The following ASAP3 variants were observed in gnomAD, a reference collection of about 807,000 sequenced individuals.
ASAP3 encodes arf-GAP with SH3 domain, ANK repeat and PH domain-containing protein 3.
A neutral mutation model predicts 118.2 loss-of-function variants in ASAP3; 85 were observed. The observed-to-expected ratio is 0.72, with a 90% CI of 0.60 to 0.86. The LOEUF (loss-of-function observed/expected upper bound fraction) is 0.86, where lower values mean the gene tolerates loss of function less well. Among genes scored for constraint, ASAP3 ranks in the 40% least tolerant of loss-of-function variants. The pLI, the probability that ASAP3 is intolerant of heterozygous loss-of-function variation, is 0.00. For missense variants in ASAP3, 1,026 were observed against 1,175.0 expected (o/e 0.87, Z 1.85); for synonymous variants, 432 against 477.4 (o/e 0.90, Z 1.24).
chr1:23,471,285 C>T (rs1034164505), intron 1 of ASAP3, among the ~76,000 whole-genome samples: 2 of 152,202 alleles, frequency 1.3e-5, no homozygotes, highest in African/African-American at 4.8e-5. Context: ...ACTCAACTTA[C>T]AGGTCACCCC....
At chr1:23,474,432 T>C (rs1642059760) in intron 1 of ASAP3, among the ~76,000 whole-genome samples, 1 of 152,090 alleles carries the variant, frequency 6.6e-6, no homozygotes, top group Non-Finnish European at 1.5e-5. Flanking sequence ...CTTATTTCCT[T>C]CCTTCCCCAC....
chr1:23,463,300 C>T (rs1458546451), intron 1 of ASAP3, among the ~76,000 whole-genome samples: 2 of 152,044 alleles, frequency 1.3e-5, no homozygotes, highest in Non-Finnish European at 2.9e-5. Flanking sequence ...AAATCATTTA[C>T]ACTGGTTGAT....
In ASAP3 at chr1:23,431,098, C is replaced by T. The variant is rs778949640; in HGVS notation, c.2574G>A (p.Arg858=). ...FSSESTRSYR[R]GARSPEDGPS... ...GACCATCTTCAGGGCTCCGCGCCCCCCGCCGATAGGAGCGAGTGCTCTCGG... is the reference window on the plus strand; with the variant it reads ...GACCATCTTCAGGGCTCCGCGCCCCTCGCCGATAGGAGCGAGTGCTCTCGG... The change falls in exon 24 of 25, where the codon CGG becomes CGA. Residue 858 remains arginine (R), a synonymous_variant. Transcript: ENST00000336689. 1.3e-6 allele frequency: 2 copies of T among 1,572,686 alleles called. No homozygotes were observed. Among genetic ancestry groups the T allele is most frequent in the South Asian group, 1.2e-5 (1 of 85,584 alleles).
In ASAP3 at chr1:23,438,994, C is replaced by G. The variant is rs886101473; in HGVS notation, c.1015-160G>C. 6 of 1,083,298 alleles carry G rather than the reference C, an allele frequency of 5.5e-6. No individual in the cohort carries two copies. Among genetic ancestry groups the G allele is most frequent in the Non-Finnish European group, 6.8e-6 (5 of 738,898 alleles). 67.1% of individuals were successfully genotyped at this position (1,083,298 alleles called of 1,614,324 possible). A position where few individuals can be genotyped will look rare whatever the true frequency, so the allele number is the denominator to read the frequency against. ...CAAGGATGTGAAGTGTAGACTAAGA[C>G]TAGATTGGGGCCTTCAGGTCCCATC... On this transcript the variant is annotated intron_variant, in intron 11 of 24. Transcript: ENST00000336689. This position sits in a 1 kb window ranked among gnomAD's most constrained non-coding sequence, Gnocchi z 4.9.
intron 22 of ASAP3, among the ~76,000 whole-genome samples, chr1:23,432,746 A>G (rs1640484811): frequency 6.6e-6 from 1 of 152,154 alleles, no homozygotes; most frequent in South Asian, 2.1e-4. Flanking sequence ...TATCTCCCCT[A>G]CTAGACTGTG....
At chr1:23,459,884 C>T (rs1014229437) in intron 1 of ASAP3, among the ~76,000 whole-genome samples, 3 of 152,222 alleles carry the variant, frequency 2.0e-5, no homozygotes, top group Admixed American at 6.5e-5. Flanking sequence ...ATTCTCTCTT[C>T]TTCCTTCACA....
intron 1 of ASAP3, among the ~76,000 whole-genome samples, chr1:23,482,329 C>T (rs1350065575): frequency 6.6e-6 from 1 of 152,210 alleles, no homozygotes; most frequent in East Asian, 1.9e-4. Flanking sequence ...CAAGAACAGC[C>T]TGACCAACAT....
At position 23,438,817 on chromosome 1, in the gene ASAP3, C is replaced by T; in HGVS notation, c.1032G>A (p.Val344=). 2 of 1,614,240 alleles carry T rather than the reference C, an allele frequency of 1.2e-6. No homozygotes were observed. The highest frequency in any genetic ancestry group is 1.7e-6 in the Non-Finnish European group (2 of 1,180,032). Reference sequence around the variant, plus strand: ...CTTGGCACGTCAGCAGGGTCAGCTTCACCGGGGGCCGGTTTATCTGTGGGA... The same window carrying T: ...CTTGGCACGTCAGCAGGGTCAGCTTTACCGGGGGCCGGTTTATCTGTGGGA... The part of the protein sequence containing the change: ...ISHSTINRPP[V]KLTLLTCQVR... The change falls in exon 12 of 25, where the codon GTG becomes GTA. Residue 344 remains valine (V), a synonymous_variant. Coordinates refer to ENST00000336689, the MANE Select transcript of ASAP3 (RefSeq NM_017707.4). This position sits in a 1 kb window ranked among gnomAD's most constrained non-coding sequence, Gnocchi z 4.9.
rs2148608642 is a variant in ASAP3, at chr1:23,436,573, C to G, written c.1558G>C (p.Ala520Pro). 1 of 1,614,202 alleles carries G rather than the reference C, an allele frequency of 6.2e-7. No individual in the cohort carries two copies. The highest frequency in any genetic ancestry group is 1.1e-5 in the South Asian group (1 of 91,088). Reference sequence around the variant, plus strand: ...GAATCCCCTTACATGTCACTCTCAGCTGAGGGTTTAGGGCCGCCGTGTGAG... The same window carrying G: ...GAATCCCCTTACATGTCACTCTCAGGTGAGGGTTTAGGGCCGCCGTGTGAG... ...LPSHGGPKPS[A>P]ESDMGTRRDY... The change falls in exon 16 of 25, where the codon GCT becomes CCT. Residue 520 changes from alanine (A) to proline (P), a missense_variant. Physicochemically the swap from Ala to Pro is conservative, Grantham distance 27 (BLOSUM62 -1). Transcript: ENST00000336689. The surrounding 1 kb of genome is among the most constrained non-coding windows in gnomAD (Gnocchi z 4.2).
At chr1:23,442,744 T>C (rs1570351617) in intron 5 of ASAP3, 132 bp from the exon 6 acceptor site, 3 of 1,360,244 alleles carry the variant, frequency 2.2e-6, no homozygotes, top group African/African-American at 2.9e-5. Context: ...TGGGGCTGGG[T>C]ACAATGAACA....
intron 1 of ASAP3, chr1:23,480,010 C>T (rs966737265): frequency 5.3e-5 from 8 of 151,968 alleles, no homozygotes; most frequent in African/African-American, 1.9e-4. Context: ...CCCAACCCTA[C>T]AAAAAATACA....
Position 23,431,136 on chromosome 1 carries a change from G to T in ASAP3, c.2547-11C>A. The T allele has an allele frequency of 6.4e-7, 1 of 1,573,966 alleles. No individual in the cohort carries two copies. The highest frequency in any genetic ancestry group is 2.3e-5 in the East Asian group (1 of 43,048). Reference sequence around the variant, plus strand: ...CGAGTGCTCTCGGAGCTGGAAGGCAGGGAAAGGCCAACATGACCCTCATGT... The same window carrying T: ...CGAGTGCTCTCGGAGCTGGAAGGCATGGAAAGGCCAACATGACCCTCATGT... On this transcript the variant is annotated splice_polypyrimidine_tract_variant and intron_variant, in intron 23 of 24. Coordinates refer to ENST00000336689, the MANE Select transcript of ASAP3 (RefSeq NM_017707.4).
Position 23,433,525 on chromosome 1 carries a change from T to C in ASAP3, c.2027A>G (p.Gln676Arg). The change falls in exon 21 of 25, where the codon CAG becomes CGG. Residue 676 changes from glutamine (Q) to arginine (R), a missense_variant. By Grantham distance (43) the Gln-to-Arg change is conservative (BLOSUM62 1). Coordinates refer to ENST00000336689, the MANE Select transcript of ASAP3 (RefSeq NM_017707.4). Reference sequence around the variant, plus strand: ...GAAGGCAAAGGTCCCCGCCTGGGCCTGCTCCAGCTGCCAAAAACAAAGGCT... The same window carrying C: ...GAAGGCAAAGGTCCCCGCCTGGGCCCGCTCCAGCTGCCAAAAACAAAGGCT... ...HHKECEELLE[Q>R]AQAGTFAFPL... 6.2e-7 allele frequency: 1 copy of C among 1,614,196 alleles called. No homozygotes were observed. Among genetic ancestry groups the C allele is most frequent in the East Asian group, 2.2e-5 (1 of 44,876 alleles).
intron 1 of ASAP3, among the ~76,000 whole-genome samples, chr1:23,474,594 A>AT (rs1327215383): frequency 6.7e-6 from 1 of 149,542 alleles, no homozygotes; most frequent in African/African-American, 2.5e-5. Context: ...ATTTATTTTT[A>AT]TTTTTTTGAG....
intron 5 of ASAP3, among the ~76,000 whole-genome samples, chr1:23,446,726 C>T (rs1417685069): frequency 6.6e-6 from 1 of 152,172 alleles, no homozygotes; most frequent in Non-Finnish European, 1.5e-5. Flanking sequence ...GCATGAGCCA[C>T]CATGCCCAGC....
At chr1:23,462,198 T>C (rs1194145028) in intron 1 of ASAP3, among the ~76,000 whole-genome samples, 2 of 151,814 alleles carry the variant, frequency 1.3e-5, no homozygotes, top group Non-Finnish European at 1.5e-5. Context: ...TAATTTTTTG[T>C]ATTTTTTAGT....
chr1:23,438,899 C>G lies in ASAP3; in HGVS notation c.1015-65G>C. The stretch of plus-strand genomic sequence containing the variant: ...TGGCCCTCCACATTCTTTAGGCCTC[C>G]ATTTCCCACTCTGTTAAATGGGCAT... On this transcript the variant is annotated intron_variant, in intron 11 of 24. Transcript: ENST00000336689. The surrounding 1 kb of genome is among the most constrained non-coding windows in gnomAD (Gnocchi z 4.9). 6.7e-7 allele frequency: 1 copy of G among 1,495,638 alleles called. No individual in the cohort carries two copies. Among genetic ancestry groups the G allele is most frequent in the Admixed American group, 1.7e-5 (1 of 59,352 alleles). 92.6% of individuals were successfully genotyped at this position (1,495,638 alleles called of 1,614,324 possible).
intron 7 of ASAP3, 71 bp downstream of exon 7, chr1:23,442,115 T>C: frequency 1.4e-6 from 2 of 1,472,798 alleles, no homozygotes; most frequent in African/African-American, 1.4e-5. Context: ...CTCAGGTCTA[T>C]CACACCTTGA....
chr1:23,464,129 G>C (rs1358123607), intron 1 of ASAP3, among the ~76,000 whole-genome samples: 7 of 150,828 alleles, frequency 4.6e-5, no homozygotes, highest in Admixed American at 4.6e-4. Flanking sequence ...GAGCCCAGGA[G>C]TTCAAGACCA....
Sources: allele counts gnomAD v4.1 joint callset (sites outside exome capture counted in the v4.1 genomes callset), GRCh38; gene constraint gnomAD v4.1.1; non-coding constraint Gnocchi (gnomAD v3.1); transcripts MANE v1.5; gene names NCBI Gene and HGNC (gene_info 2026-07-23, HGNC 2026-07-21).